RFTN2: variants seen among roughly 807,000 people sequenced by gnomAD.
RFTN2 encodes the protein raftlin family member 2.
A neutral mutation model predicts 52.7 loss-of-function variants in RFTN2; 34 were observed. That is an observed-to-expected ratio of 0.64 (90% CI 0.49 to 0.86). The LOEUF (loss-of-function observed/expected upper bound fraction) is 0.86. RFTN2 is among the 40% of genes least tolerant of loss of function. RFTN2 has a pLI of 0.00. For synonymous variants in RFTN2, 203 were observed against 217.7 expected, an observed-to-expected ratio of 0.93 and a Z score of 0.59; for missense variants, 536 against 600.1, an observed-to-expected ratio of 0.89 and a Z score of 1.12.
rs201091184 is a variant in RFTN2, at chr2:197,625,983, T to G, written c.928+5028A>C. Among the ~76,000 whole-genome samples the G allele has an allele frequency of 8.5e-5, 13 of 152,066 alleles. No individual in the cohort carries two copies. The East Asian group carries it at 2.3e-3, about 27-fold the overall frequency. On this transcript the variant is annotated intron_variant, in intron 5 of 8. Coordinates refer to ENST00000295049, the MANE Select transcript of RFTN2 (RefSeq NM_144629.3). ...TTTGCATTTCTAATAGAGACAGCGTTTTGCCGTGTTGGCCAGGCTAGTCTT... is the reference window on the plus strand; with the variant it reads ...TTTGCATTTCTAATAGAGACAGCGTGTTGCCGTGTTGGCCAGGCTAGTCTT...
intron 8 of RFTN2, among the ~76,000 whole-genome samples, chr2:197,590,932 G>A (rs192608323): frequency 2.6e-5 from 4 of 152,228 alleles, no homozygotes; most frequent in Admixed American, 2.0e-4. Flanking sequence ...AACTCCCCAA[G>A]TGGGGAAGAC....
intron 5 of RFTN2, among the ~76,000 whole-genome samples, chr2:197,629,362 A>G (rs1358309641): frequency 6.6e-6 from 1 of 151,996 alleles, no homozygotes; most frequent in East Asian, 1.9e-4. Flanking sequence ...ACCAAACACC[A>G]CATGTTCTCA....
chr2:197,602,064 T>A lies in RFTN2; in HGVS notation c.1155-5995A>T, dbSNP rs114693915. On this transcript the variant is annotated intron_variant, in intron 7 of 8. Transcript: ENST00000295049. ...ATTTATAGTTTGACACTATCTTTTT[T>A]TTATTATTATTATTATTTTGAGATG... 9.7e-3 allele frequency among the ~76,000 whole-genome samples: 1,469 copies of A among 152,180 alleles called. 27 individuals carry two copies. Among genetic ancestry groups the A allele is most frequent in the African/African-American group, 0.033 (1,368 of 41,532 alleles).
At chr2:197,607,911 T>C (rs1398035724) in intron 7 of RFTN2, among the ~76,000 whole-genome samples, 2 of 152,226 alleles carry the variant, frequency 1.3e-5, no homozygotes, top group African/African-American at 4.8e-5. Flanking sequence ...ACTGGAAGTA[T>C]ATATAATAGA....
intron 5 of RFTN2, 192 bp from the exon 6 acceptor site, chr2:197,618,113 C>G: frequency 3.4e-6 from 1 of 297,976 alleles, no homozygotes. Context: ...CCCTCTCTTT[C>G]CACGGTCTCC....
Position 197,575,874 on chromosome 2 carries a change from ATATAT to A in RFTN2, c.1234-3599_1234-3595del, listed in dbSNP as rs1359398091. Reference sequence around the variant, plus strand: ...TATATACATAATATATTTATATATTATATATTATATATAATATATATAATATATAT... The same window carrying A: ...TATATACATAATATATTTATATATTATATATATAATATATATAATATATAT... On this transcript the variant is annotated intron_variant, in intron 8 of 8. Coordinates refer to ENST00000295049, the MANE Select transcript of RFTN2 (RefSeq NM_144629.3). 5.5e-4 allele frequency among the ~76,000 whole-genome samples: 77 copies of A among 140,990 alleles called. No individual in the cohort carries two copies. The Middle Eastern group carries it at 0.011, about 20-fold the overall frequency. 92.5% of individuals were successfully genotyped at this position (140,990 alleles called of 152,430 possible).
At chr2:197,635,798 A>G (rs1457470934) in intron 3 of RFTN2, among the ~76,000 whole-genome samples, 6 of 144,056 alleles carry the variant, frequency 4.2e-5, no homozygotes, top group Admixed American at 1.4e-4. Flanking sequence ...TGTTTTAGAC[A>G]TGAAGTCCTT....
At chr2:197,650,046 C>A (rs2088803578) in intron 1 of RFTN2, among the ~76,000 whole-genome samples, 1 of 151,954 alleles carries the variant, frequency 6.6e-6, no homozygotes. Context: ...TGTACACTTA[C>A]TAATAGCTAA....
At chr2:197,578,127 G>C (rs768614795) in intron 8 of RFTN2, among the ~76,000 whole-genome samples, 1 of 152,168 alleles carries the variant, frequency 6.6e-6, no homozygotes, top group East Asian at 1.9e-4. Context: ...GCTCACCAGC[G>C]CTAGGGCCAA....
At chr2:197,572,475 T>C (rs190902806) in intron 8 of RFTN2, among the ~76,000 whole-genome samples, 195 bp from the exon 9 acceptor site, 131 of 152,270 alleles carry the variant, frequency 8.6e-4, no homozygotes, top group Middle Eastern at 3.4e-3. Context: ...TGAACTCCCT[T>C]CTCCCTGTTT....
At chr2:197,618,761 GTC>G (rs2088197103) in intron 5 of RFTN2, among the ~76,000 whole-genome samples, 2 of 148,644 alleles carry the variant, frequency 1.3e-5, no homozygotes. Flanking sequence ...TGTGAGGAGC[GTC>G]TCTGCCCGGA....
At chr2:197,612,262 T>C (rs529620612) in intron 7 of RFTN2, among the ~76,000 whole-genome samples, 50 of 152,098 alleles carry the variant, frequency 3.3e-4, no homozygotes, top group African/African-American at 1.2e-3. Context: ...GTTCTAAAGT[T>C]CTCTCTCTCT....
At chr2:197,664,581 G>A (rs2089024688) in intron 1 of RFTN2, among the ~76,000 whole-genome samples, 1 of 151,844 alleles carries the variant, frequency 6.6e-6, no homozygotes, top group Non-Finnish European at 1.5e-5. Context: ...ACCAGCCTGG[G>A]CAACAGAGTG....
At chr2:197,656,798 A>T (rs763070440) in intron 1 of RFTN2, among the ~76,000 whole-genome samples, 14 of 152,144 alleles carry the variant, frequency 9.2e-5, no homozygotes, top group Non-Finnish European at 1.8e-4. Flanking sequence ...GAGTCCCTAG[A>T]TCTAAGATCA....
Position 197,644,133 on chromosome 2 carries a change from AT to A in RFTN2, c.438+24del, listed in dbSNP as rs537059912. On this transcript the variant is annotated intron_variant, in intron 3 of 8. Transcript: ENST00000295049. ...AATACCAAATGTTTGTCAATATCCCATGAAAAAGTGCATAAATTTAGTACCT... is the reference window on the plus strand; with the variant it reads ...AATACCAAATGTTTGTCAATATCCCAGAAAAAGTGCATAAATTTAGTACCT... 6.2e-4 allele frequency: 793 copies of A among 1,278,266 alleles called. 5 individuals carry two copies. Among genetic ancestry groups the A allele is most frequent in the Middle Eastern group, 5.2e-3 (28 of 5,410 alleles). 79.2% of individuals were successfully genotyped at this position (1,278,266 alleles called of 1,614,324 possible).
At chr2:197,646,413 A>C (rs1248903348) in intron 2 of RFTN2, 70 bp downstream of exon 2, 1 of 1,316,034 alleles carries the variant, frequency 7.6e-7, no homozygotes, top group Non-Finnish European at 1.0e-6. Flanking sequence ...CACTTGATTC[A>C]AATTTTTTTT....
At chr2:197,573,241 C>T (rs2087348808) in intron 8 of RFTN2, among the ~76,000 whole-genome samples, 1 of 152,162 alleles carries the variant, frequency 6.6e-6, no homozygotes, top group South Asian at 2.1e-4. Flanking sequence ...TTCCTAGAGA[C>T]TTATTGAATG....
At position 197,638,863 on chromosome 2, in the gene RFTN2, T is replaced by C. The variant is rs566193361; in HGVS notation, c.439-4866A>G. Among the ~76,000 whole-genome samples the C allele has an allele frequency of 2.3e-4, 34 of 151,100 alleles. No individual in the cohort carries two copies. The South Asian group carries it at 2.8e-3, about 12-fold the overall frequency. The stretch of plus-strand genomic sequence containing the variant: ...TGGTCTTTACATTTTGGCATGATTT[T>C]GCAGCGGCTGGTACCGGTTGTTCCT... On this transcript the variant is annotated intron_variant, in intron 3 of 8. Coordinates refer to ENST00000295049, the MANE Select transcript of RFTN2 (RefSeq NM_144629.3).
intron 8 of RFTN2, among the ~76,000 whole-genome samples, chr2:197,587,629 T>C (rs556971949): frequency 6.6e-6 from 1 of 152,056 alleles, no homozygotes; most frequent in South Asian, 2.1e-4. Context: ...TCGCTGACTC[T>C]CTTTTTGGAC....
Sources: gnomAD v4.1 joint callset for allele counts (sites outside exome capture counted in the v4.1 genomes callset) on GRCh38, gnomAD v4.1.1 for gene constraint, MANE v1.5 for transcripts, NCBI Gene and HGNC (gene_info 2026-07-23, HGNC 2026-07-21) for gene names.